Variants in MRTFB observed in about 807,000 individuals in gnomAD.
MRTFB encodes myocardin-related transcription factor B.
A neutral mutation model predicts 104.2 loss-of-function variants in MRTFB; 29 were observed. The ratio of observed to expected loss-of-function variants is 0.28; its 90% CI spans 0.21 to 0.38. The LOEUF (loss-of-function observed/expected upper bound fraction) is 0.38, where lower values mean the gene tolerates loss of function less well. MRTFB is among the 10% of genes least tolerant of loss of function. The probability of loss-of-function intolerance (pLI) is 1.00; values close to 1 mark genes in which losing one functional copy is unlikely to be tolerated. For synonymous variants in MRTFB, 535 were observed against 519.5 expected (o/e 1.03, Z -0.41); for missense variants, 1,270 against 1,341.6 (o/e 0.95, Z 0.83).
intron 6 of MRTFB, among the ~76,000 whole-genome samples, 171 bp downstream of exon 6, chr16:14,213,791 G>C (rs1263455653): frequency 6.6e-6 from 1 of 152,144 alleles, no homozygotes; most frequent in Non-Finnish European, 1.5e-5. Flanking sequence ...GATACACAGG[G>C]AAGGTTTGAT....
intron 2 of MRTFB, among the ~76,000 whole-genome samples, chr16:14,120,295 T>A (rs754683490): frequency 6.6e-6 from 1 of 152,246 alleles, no homozygotes; most frequent in Non-Finnish European, 1.5e-5. Context: ...CACATTATAA[T>A]CAAGTCATAC....
At chr16:14,116,608 C>T (rs1301214763) in intron 2 of MRTFB, among the ~76,000 whole-genome samples, 2 of 151,614 alleles carry the variant, frequency 1.3e-5, no homozygotes, top group Non-Finnish European at 2.9e-5. Context: ...TAATGCCTAC[C>T]AGATTTCTCT....
At chr16:14,150,349 G>A (rs1171284010) in intron 3 of MRTFB, among the ~76,000 whole-genome samples, 1 of 152,088 alleles carries the variant, frequency 6.6e-6, no homozygotes, top group African/African-American at 2.4e-5. Context: ...TTAACCCTTG[G>A]ACAATGTAGG....
chr16:14,007,315 G>C, the MRTFB span, among the ~76,000 whole-genome samples: 1 of 152,116 alleles, frequency 6.6e-6, no homozygotes, highest in South Asian at 2.1e-4. Flanking sequence ...TCCACAGATG[G>C]AATGCCATTT....
chr16:14,194,252 T>A (rs2040326785), intron 3 of MRTFB, among the ~76,000 whole-genome samples: 2 of 152,204 alleles, frequency 1.3e-5, no homozygotes, highest in Admixed American at 1.3e-4. Flanking sequence ...AAGTTACTTT[T>A]CTCACAGTTC....
At chr16:14,239,515 CTTT>C (rs1442875854) in intron 9 of MRTFB, among the ~76,000 whole-genome samples, 2 of 152,060 alleles carry the variant, frequency 1.3e-5, no homozygotes, top group Non-Finnish European at 2.9e-5. Context: ...CGTATATTTT[CTTT>C]TTTGTTTGTT....
intron 2 of MRTFB, among the ~76,000 whole-genome samples, chr16:14,128,776 G>T (rs978506507): frequency 8.5e-5 from 13 of 152,074 alleles, no homozygotes; most frequent in African/African-American, 2.9e-4. Context: ...AAACCATATC[G>T]CAATAATCTT....
chr16:14,132,610 T>A lies in MRTFB; in HGVS notation c.-63-7934T>A, dbSNP rs531279244. ...CAATATTAACACATTTTACAAGAAG[T>A]TAAACAGTAATGAAATATCTTAGTT... On this transcript the variant is annotated intron_variant, in intron 2 of 16. Transcript: ENST00000571589. 5.9e-5 allele frequency among the ~76,000 whole-genome samples: 9 copies of A among 152,316 alleles called. No homozygotes were observed. In the South Asian group the frequency reaches 1.9e-3, roughly 32 times the overall value.
chr16:14,221,237 A>T (rs1046221211), intron 8 of MRTFB, among the ~76,000 whole-genome samples: 6 of 152,038 alleles, frequency 3.9e-5, no homozygotes, highest in Admixed American at 2.6e-4. Context: ...TTTATACTTT[A>T]TTTTCACTGT....
intron 3 of MRTFB, chr16:14,143,530 C>G (rs1365613183): frequency 8.0e-6 from 1 of 125,420 alleles, no homozygotes; most frequent in Non-Finnish European, 1.6e-5. Flanking sequence ...TTTTTTTATA[C>G]TTTAAGTTTT....
intron 8 of MRTFB, among the ~76,000 whole-genome samples, chr16:14,223,959 T>C (rs2041875093): frequency 6.6e-6 from 1 of 152,188 alleles, no homozygotes. Context: ...AGGCAATTTA[T>C]GAAAAGAGGT....
At chr16:14,051,921 T>A in the MRTFB span, among the ~76,000 whole-genome samples, 1 of 152,212 alleles carries the variant, frequency 6.6e-6, no homozygotes, top group South Asian at 2.1e-4. Context: ...GAGCTCTCCC[T>A]GGACTTCCCT....
chr16:14,081,481 C>T (rs1029520463), intron 2 of MRTFB, among the ~76,000 whole-genome samples: 2 of 152,044 alleles, frequency 1.3e-5, no homozygotes, highest in African/African-American at 2.4e-5. Context: ...TTAGTAGAGA[C>T]GGGGTTTCAC....
At chr16:14,055,458 C>G in the MRTFB span, among the ~76,000 whole-genome samples, 1 of 152,230 alleles carries the variant, frequency 6.6e-6, no homozygotes, top group South Asian at 2.1e-4. Flanking sequence ...CTGTTTCTGT[C>G]CAGGAACCCA....
the MRTFB span, among the ~76,000 whole-genome samples, chr16:14,014,323 G>A: frequency 6.6e-6 from 1 of 151,806 alleles, no homozygotes; most frequent in African/African-American, 2.4e-5. Context: ...GGGATGGGAG[G>A]ATCACTTGAG....
chr16:14,111,955 G>A (rs554275281), intron 2 of MRTFB, among the ~76,000 whole-genome samples: 4 of 152,252 alleles, frequency 2.6e-5, no homozygotes, highest in East Asian at 1.9e-4. Flanking sequence ...CTGAGCTCCC[G>A]TCCAGGGCGC....
intron 15 of MRTFB, among the ~76,000 whole-genome samples, chr16:14,253,505 C>T (rs961848392): frequency 6.6e-6 from 1 of 152,178 alleles, no homozygotes; most frequent in Non-Finnish European, 1.5e-5. Flanking sequence ...ACCTAAGGAA[C>T]GTGGGGCCAA....
intron 2 of MRTFB, among the ~76,000 whole-genome samples, chr16:14,131,474 A>T (rs986924359): frequency 1.3e-5 from 2 of 152,026 alleles, no homozygotes; most frequent in African/African-American, 4.8e-5. Context: ...TCAAAATTAA[A>T]TTTTTTTTGT....
At chr16:14,099,630 T>G (rs913991207) in intron 2 of MRTFB, among the ~76,000 whole-genome samples, 7 of 151,736 alleles carry the variant, frequency 4.6e-5, no homozygotes, top group Non-Finnish European at 8.8e-5. Context: ...ATTACAAGTG[T>G]GAGTCACCAT....
Sources: gnomAD v4.1 joint callset for allele counts (sites outside exome capture counted in the v4.1 genomes callset) on GRCh38, gnomAD v4.1.1 for gene constraint, MANE v1.5 for transcripts, NCBI Gene and HGNC (gene_info 2026-07-23, HGNC 2026-07-21) for gene names.